The following PKD2 variants were observed in gnomAD, a reference collection of about 807,000 sequenced individuals.
The protein encoded by PKD2 is polycystin 2, transient receptor potential cation channel, also known as polycystin-2.
A neutral mutation model predicts 105.9 loss-of-function variants in PKD2; 48 were observed. The observed-to-expected ratio is 0.45, with a 90% CI of 0.36 to 0.58. PKD2 has a LOEUF of 0.58. Among genes scored for constraint, PKD2 ranks in the 20% least tolerant of loss-of-function variants. The pLI is 0.00. For synonymous variants in PKD2, 464 were observed against 481.1 expected, an observed-to-expected ratio of 0.96 and a Z score of 0.46; for missense variants, 1,078 against 1,255.3, an observed-to-expected ratio of 0.86 and a Z score of 2.13.
intron 2 of PKD2, among the ~76,000 whole-genome samples, chr4:88,025,234 G>T (rs188110432): frequency 9.6e-4 from 146 of 152,174 alleles, no homozygotes; most frequent in African/African-American, 3.4e-3. Context: ...AAGGTGAGAG[G>T]ATCAATTGAG....
chr4:88,055,968 A>G, intron 7 of PKD2, 118 bp from the exon 8 acceptor site: 1 of 761,302 alleles, frequency 1.3e-6, no homozygotes, highest in Non-Finnish European at 2.3e-6. Flanking sequence ...TTCAAGGTTC[A>G]TCCATGTTGT....
At position 88,075,527 on chromosome 4, in the gene PKD2, G is replaced by C; in HGVS notation, c.2740G>C (p.Glu914Gln). The C allele has an allele frequency of 6.2e-7, 1 of 1,614,176 alleles. No homozygotes were observed. Among genetic ancestry groups the C allele is most frequent in the Non-Finnish European group, 8.5e-7 (1 of 1,180,022 alleles). Residue 914 changes from glutamate (E) to glutamine (Q), a missense_variant, in exon 15 of 15, where the codon GAA becomes CAA. Physicochemically the swap from Glu to Gln is conservative, Grantham distance 29 (BLOSUM62 2). This residue lies in a region of PKD2 where 868 missense variants were observed against 1,067.3 expected (regional missense o/e 0.81). Coordinates refer to ENST00000237596, the MANE Select transcript of PKD2 (RefSeq NM_000297.4). The stretch of plus-strand genomic sequence containing the variant: ...GGAACGGCTAGTACGTGAAGAGTTG[G>C]AACGCTGGGAATCCGATGATGCAGC... ...QMERLVREELERWESDDAASQ... is the reference protein window; with the variant it reads ...QMERLVREELQRWESDDAASQ...
intron 2 of PKD2, among the ~76,000 whole-genome samples, chr4:88,020,675 A>G (rs929948371): frequency 2.0e-5 from 3 of 151,920 alleles, no homozygotes; most frequent in Non-Finnish European, 4.4e-5. Context: ...CCTCTGAGAA[A>G]AGGTTTCCTT....
intron 1 of PKD2, among the ~76,000 whole-genome samples, chr4:88,013,710 A>AT (rs1726462668): frequency 8.6e-6 from 1 of 116,384 alleles, no homozygotes; most frequent in South Asian, 3.3e-4. Flanking sequence ...GCCTGTATCT[A>AT]AAAAAAAAAA....
chr4:88,035,124 C>CTGAA (rs1258103968), intron 2 of PKD2, among the ~76,000 whole-genome samples: 4 of 152,160 alleles, frequency 2.6e-5, no homozygotes, highest in African/African-American at 9.7e-5. Flanking sequence ...GAAGAGGAAA[C>CTGAA]TGAAGCTCAG....
Position 88,076,013 on chromosome 4 carries a change from C to A in PKD2, c.*319C>A. The stretch of plus-strand genomic sequence containing the variant: ...TTGACAATGAAGTAGCCTTTTAAAG[C>A]TAGAAAACTGTCAAAGGGCTTCTGA... On this transcript the variant is annotated 3_prime_UTR_variant, in exon 15 of 15. Transcript: ENST00000237596. The A allele has an allele frequency of 3.3e-6, 1 of 302,802 alleles. No homozygotes were observed. The allele number at this position is 302,802 out of a possible 1,614,324, so 18.8% of individuals were successfully genotyped here. A position where few individuals can be genotyped will look rare whatever the true frequency, so the allele number is the denominator to read the frequency against.
chr4:88,069,812 G>A (rs374495129), intron 13 of PKD2, among the ~76,000 whole-genome samples: 5 of 151,866 alleles, frequency 3.3e-5, no homozygotes, highest in South Asian at 2.1e-4. Context: ...ATCATCTGTC[G>A]TCATTCTCTT....
Position 88,065,807 on chromosome 4 carries a change from C to A in PKD2, c.2286C>A (p.Tyr762Ter), listed in dbSNP as rs555242193. 3 of 1,613,278 alleles carry A rather than the reference C, an allele frequency of 1.9e-6. No homozygotes were observed. The highest frequency in any genetic ancestry group is 2.5e-6 in the Non-Finnish European group (3 of 1,179,454). Residue 762 changes from tyrosine (Y) to a stop codon, truncating the protein, a stop_gained, in exon 12 of 15, where the codon TAC (tyrosine) becomes TAA (stop). Transcript: ENST00000237596. LOFTEE classifies it high-confidence loss of function. Reference sequence around the variant, plus strand: ...AGATTGAGGCAATATTCACAAAGTACGACCAAGATGGAGACCAAGAACTGA... The same window carrying A: ...AGATTGAGGCAATATTCACAAAGTAAGACCAAGATGGAGACCAAGAACTGA... ...DAEIEAIFTK[Y>*]DQDGDQELTE...
intron 4 of PKD2, among the ~76,000 whole-genome samples, chr4:88,041,145 T>A (rs750218174): frequency 6.6e-6 from 1 of 152,242 alleles, no homozygotes; most frequent in Non-Finnish European, 1.5e-5. Context: ...CTCTTTGTTC[T>A]GTTAATGGCA....
chr4:88,069,597 T>G (rs1720938266), intron 13 of PKD2, among the ~76,000 whole-genome samples: 1 of 152,076 alleles, frequency 6.6e-6, no homozygotes. Context: ...TCTATCTATA[T>G]GTATATATAG....
chr4:88,062,997 T>G (rs1225928734), intron 10 of PKD2, among the ~76,000 whole-genome samples: 1 of 152,206 alleles, frequency 6.6e-6, no homozygotes, highest in East Asian at 1.9e-4. Flanking sequence ...CAAATTTCAG[T>G]TATCATAGTA....
At chr4:88,075,387 A>G in intron 14 of PKD2, 71 bp from the exon 15 acceptor site, 1 of 1,069,998 alleles carries the variant, frequency 9.3e-7, no homozygotes, top group Non-Finnish European at 1.5e-6. Context: ...ACTACAGATT[A>G]TTTGGTCCCT....
chr4:88,036,679 A>G (rs1172179177), intron 3 of PKD2, among the ~76,000 whole-genome samples: 2 of 152,230 alleles, frequency 1.3e-5, no homozygotes, highest in Non-Finnish European at 2.9e-5. Context: ...TTAAATGCGT[A>G]TGGTCACATG....
chr4:88,058,831 T>G (rs1217537273), intron 9 of PKD2, among the ~76,000 whole-genome samples: 1 of 152,180 alleles, frequency 6.6e-6, no homozygotes, highest in African/African-American at 2.4e-5. Flanking sequence ...AATTAAGTTT[T>G]TTTAAGGTGT....
intron 5 of PKD2, among the ~76,000 whole-genome samples, chr4:88,045,421 A>G (rs1578135131): frequency 2.6e-5 from 4 of 152,350 alleles, no homozygotes; most frequent in Admixed American, 2.6e-4. Context: ...GACCAGTTCT[A>G]ATTTACCATA....
intron 7 of PKD2, 115 bp from the exon 8 acceptor site, chr4:88,055,971 C>T: frequency 2.6e-6 from 2 of 771,172 alleles, no homozygotes; most frequent in Admixed American, 3.6e-5. Context: ...AAGGTTCATC[C>T]ATGTTGTAAC....
At chr4:88,016,647 G>A (rs1726572212) in intron 1 of PKD2, among the ~76,000 whole-genome samples, 1 of 152,128 alleles carries the variant, frequency 6.6e-6, no homozygotes. Flanking sequence ...TGAGGAAGTA[G>A]ATAGAGTAAT....
At chr4:88,009,567 A>C (rs1270523280) in intron 1 of PKD2, among the ~76,000 whole-genome samples, 2 of 152,190 alleles carry the variant, frequency 1.3e-5, no homozygotes, top group Non-Finnish European at 2.9e-5. Context: ...TTAAGACATA[A>C]AATGTGCAGC....
intron 2 of PKD2, among the ~76,000 whole-genome samples, chr4:88,032,916 C>A (rs1727211140): frequency 6.6e-6 from 1 of 152,052 alleles, no homozygotes; most frequent in Non-Finnish European, 1.5e-5. Flanking sequence ...GATGCAAGAC[C>A]CACAATCATG....
Sources: gnomAD v4.1 joint callset for allele counts (sites outside exome capture counted in the v4.1 genomes callset) on GRCh38, gnomAD v4.1.1 for gene constraint, gnomAD v4.1.1 regional missense constraint, MANE v1.5 for transcripts, NCBI Gene and HGNC (gene_info 2026-07-23, HGNC 2026-07-21) for gene names.